CDH23: variants seen among roughly 807,000 people sequenced by gnomAD.
CDH23 encodes the protein cadherin-23.
CDH23 carries 189 observed loss-of-function variants against 317.1 expected under a neutral mutation model. The observed-to-expected ratio is 0.60, with a 90% CI of 0.53 to 0.67. The LOEUF is 0.67. CDH23 is among the 30% of genes least tolerant of loss of function. CDH23 has a pLI of 0.00. For synonymous variants in CDH23, 1,839 were observed against 1,876.8 expected (o/e 0.98, Z 0.52); for missense variants, 4,401 against 4,592.4 (o/e 0.96, Z 1.20).
chr10:71,613,802 G>C (rs909787690), intron 9 of CDH23, among the ~76,000 whole-genome samples: 1 of 152,200 alleles, frequency 6.6e-6, no homozygotes, highest in Non-Finnish European at 1.5e-5. Flanking sequence ...GTTCACCTGC[G>C]TGTGTTGAAG....
intron 44 of CDH23, among the ~76,000 whole-genome samples, chr10:71,787,350 G>A (rs558083705): frequency 6.7e-6 from 1 of 149,282 alleles, no homozygotes; most frequent in Non-Finnish European, 1.5e-5. Flanking sequence ...TTAGATTCAG[G>A]GAGTACAAGC....
chr10:71,465,123 CGTA>C (rs1281977977), intron 3 of CDH23, among the ~76,000 whole-genome samples: 7 of 152,222 alleles, frequency 4.6e-5, no homozygotes, highest in African/African-American at 1.7e-4. Context: ...AATTAAATAA[CGTA>C]GAGTTAACTT....
rs753771457 is a variant in CDH23, at chr10:71,793,316, GCCA to G, written c.6392_6394del (p.Thr2131del). ...CACCGGGGTCATCCGTGTTGGTAAT[GCCA>G]CCATCGACAGAGAGGAGCAGGAGTC... On this transcript the variant is annotated inframe_deletion, in exon 48 of 70. Coordinates refer to ENST00000224721, the MANE Select transcript of CDH23 (RefSeq NM_022124.6). The G allele has an allele frequency of 6.2e-7, 1 of 1,613,978 alleles. No individual in the cohort carries two copies. The highest frequency in any genetic ancestry group is 1.7e-5 in the Admixed American group (1 of 60,022).
intron 3 of CDH23, among the ~76,000 whole-genome samples, chr10:71,469,853 C>T (rs1851427191): frequency 6.6e-6 from 1 of 152,168 alleles, no homozygotes; most frequent in African/African-American, 2.4e-5. Flanking sequence ...GGTCTGCCCG[C>T]CTTGGCCTCA....
At chr10:71,584,778 A>T (rs2132424947) in intron 9 of CDH23, among the ~76,000 whole-genome samples, 1 of 152,314 alleles carries the variant, frequency 6.6e-6, no homozygotes, top group African/African-American at 2.4e-5. Flanking sequence ...GGAAAAGCAG[A>T]ATTGCTTTGG....
chr10:71,796,058 G>T, intron 48 of CDH23: 2 of 987,414 alleles, frequency 2.0e-6, no homozygotes, highest in South Asian at 9.4e-5. Flanking sequence ...GGAGGAGGAG[G>T]AGGAGGAGGA....
At position 71,785,666 on chromosome 10, in the gene CDH23, C is replaced by T. The variant is rs568453039; in HGVS notation, c.5748C>T (p.Arg1916=). The change falls in exon 44 of 70, where the codon CGC becomes CGT. Residue 1916 remains arginine (R), a synonymous_variant. Coordinates refer to ENST00000224721, the MANE Select transcript of CDH23 (RefSeq NM_022124.6). ...TCACTGTGAACCGGCCCCTGGACCG[C>T]GAGCGGATCCCAGAGTACAAGCTGA... ...GIVTVNRPLD[R]ERIPEYKLTI... The T allele has an allele frequency of 4.5e-5, 73 of 1,607,378 alleles. No homozygotes were observed. The South Asian group carries it at 4.8e-4, about 11-fold the overall frequency.
intron 3 of CDH23, among the ~76,000 whole-genome samples, chr10:71,483,686 A>C (rs1041906866): frequency 1.3e-5 from 2 of 152,188 alleles, no homozygotes; most frequent in African/African-American, 4.8e-5. Context: ...TTTTAGGTGC[A>C]TCAGCTGATT....
intron 38 of CDH23, chr10:71,753,868 C>T: frequency 2.2e-6 from 1 of 456,472 alleles, no homozygotes; most frequent in Non-Finnish European, 4.4e-6. Flanking sequence ...TTACAGCCGA[C>T]TCATGGGTCA....
At chr10:71,780,953 G>A (rs1840935812) in intron 41 of CDH23, among the ~76,000 whole-genome samples, 1 of 152,186 alleles carries the variant, frequency 6.6e-6, no homozygotes, top group Non-Finnish European at 1.5e-5. Context: ...AGAAAGTCAA[G>A]GTTTTGGCGT....
At chr10:71,721,393 C>A (rs1236682724) in intron 28 of CDH23, among the ~76,000 whole-genome samples, 3 of 152,210 alleles carry the variant, frequency 2.0e-5, no homozygotes, top group Non-Finnish European at 4.4e-5. Flanking sequence ...ACCTTCACCA[C>A]ACATCCCCAT....
At position 71,555,075 on chromosome 10, in the gene CDH23, G is replaced by A. The variant is rs372963315; in HGVS notation, c.430-11667G>A. Among the ~76,000 whole-genome samples the A allele has an allele frequency of 1.2e-4, 18 of 152,304 alleles. No homozygotes were observed. In the East Asian group the frequency reaches 2.3e-3, roughly 20 times the overall value. The stretch of plus-strand genomic sequence containing the variant: ...CTACTTGAGGGCACGGGGGTATGAG[G>A]CTTCCAGCAGCCAATCAGACCAATC... On this transcript the variant is annotated intron_variant, in intron 6 of 69. Coordinates refer to ENST00000224721, the MANE Select transcript of CDH23 (RefSeq NM_022124.6).
At chr10:71,724,324 C>T (rs1168599946) in intron 29 of CDH23, among the ~76,000 whole-genome samples, 1 of 152,164 alleles carries the variant, frequency 6.6e-6, no homozygotes, top group African/African-American at 2.4e-5. Flanking sequence ...ACGGAGTCTC[C>T]CTCTGTCGCC....
At chr10:71,708,461 T>C (rs758758176) in intron 26 of CDH23, among the ~76,000 whole-genome samples, 6 of 152,084 alleles carry the variant, frequency 3.9e-5, no homozygotes, top group Admixed American at 6.5e-5. Flanking sequence ...GGGAGTTCCT[T>C]CCTGACTCCC....
Position 71,403,404 on chromosome 10 carries a change from TTTCTCTTCCTTCCTTCCTTC to T in CDH23, c.-6+6087_-6+6106del, listed in dbSNP as rs1564558198. On this transcript the variant is annotated intron_variant, in intron 1 of 69. Coordinates refer to ENST00000224721, the MANE Select transcript of CDH23 (RefSeq NM_022124.6). ...CTTTCTTTCTTTCTTTCTTTCTTTC[TTTCTCTTCCTTCCTTCCTTC>T]CTTCCTTCCTTCCTTCCTTCCTTCC... Among the ~76,000 whole-genome samples, 21 of 78,586 alleles carry T rather than the reference TTTCTCTTCCTTCCTTCCTTC, an allele frequency of 2.7e-4. 1 individual carries two copies. The highest frequency in any genetic ancestry group is 2.7e-4 in the African/African-American group (4 of 14,594). 51.6% of individuals were successfully genotyped at this position (78,586 alleles called of 152,430 possible). A position where few individuals can be genotyped will look rare whatever the true frequency, so the allele number is the denominator to read the frequency against.
At position 71,751,747 on chromosome 10, in the gene CDH23, C is replaced by T; in HGVS notation, c.4845+9826C>T. 1 of 1,601,592 alleles carries T rather than the reference C, an allele frequency of 6.2e-7. No individual in the cohort carries two copies. Among genetic ancestry groups the T allele is most frequent in the Non-Finnish European group, 8.5e-7 (1 of 1,173,666 alleles). On this transcript the variant is annotated intron_variant, in intron 38 of 69. Transcript: ENST00000224721. The surrounding 1 kb of genome is among the most constrained non-coding windows in gnomAD (Gnocchi z 4.9). ...GCTCCGAAAGCAGATGCCGCCCAGA[C>T]TCAGAAGGCTGCCGCTGGGCCACAT...
At chr10:71,664,015 A>T (rs9415029) in intron 14 of CDH23, among the ~76,000 whole-genome samples, 1 of 106,258 alleles carries the variant, frequency 9.4e-6, no homozygotes, top group African/African-American at 3.2e-5. Flanking sequence ...AAAAAAAAAA[A>T]GGATTACGGA....
At chr10:71,545,223 G>A (rs7896002) in intron 6 of CDH23, among the ~76,000 whole-genome samples, 17 of 152,292 alleles carry the variant, frequency 1.1e-4, no homozygotes, top group African/African-American at 3.9e-4. Flanking sequence ...GAGAGGAGAG[G>A]TGATATTGAG....
intron 3 of CDH23, among the ~76,000 whole-genome samples, chr10:71,470,558 C>T (rs962752953): frequency 9.9e-5 from 15 of 151,992 alleles, no homozygotes; most frequent in Middle Eastern, 3.4e-3. Context: ...AGCACCATCA[C>T]GGCCCACTTC....
Sources: allele counts gnomAD v4.1 joint callset (sites outside exome capture counted in the v4.1 genomes callset), GRCh38; gene constraint gnomAD v4.1.1; non-coding constraint Gnocchi (gnomAD v3.1); transcripts MANE v1.5; gene names NCBI Gene and HGNC (gene_info 2026-07-23, HGNC 2026-07-21).